Variants in TPST2 observed in about 807,000 individuals in gnomAD.
The protein encoded by TPST2 is protein-tyrosine sulfotransferase 2.
A neutral mutation model predicts 27.8 loss-of-function variants in TPST2; 16 were observed. The observed-to-expected ratio is 0.58, with a 90% confidence interval of 0.39 to 0.88. TPST2 has a LOEUF of 0.88. Among genes scored for constraint, TPST2 ranks in the 40% least tolerant of loss-of-function variants. The probability of loss-of-function intolerance (pLI) is 0.00; values close to 1 mark genes in which losing one functional copy is unlikely to be tolerated. For synonymous variants in TPST2, 229 were observed against 231.7 expected, an observed-to-expected ratio of 0.99 and a Z score of 0.10; for missense variants, 464 against 543.1, an observed-to-expected ratio of 0.85 and a Z score of 1.45.
At position 26,536,941 on chromosome 22, in the gene TPST2, G is replaced by A. The variant is rs117835604; in HGVS notation, c.843-455C>T. Among the ~76,000 whole-genome samples, 542 of 152,166 alleles carry A rather than the reference G, an allele frequency of 3.6e-3. 15 individuals are homozygous for A. In the East Asian group the frequency reaches 0.07, roughly 20 times the overall value. On this transcript the variant is annotated intron_variant, in intron 3 of 6. Coordinates refer to ENST00000338754, the MANE Select transcript of TPST2 (RefSeq NM_003595.5). The stretch of plus-strand genomic sequence containing the variant: ...AAGCGCCTGTAGTCCCAGCAGCTGC[G>A]CAGGAGGCTGAGATGGGAGAATTGC...
At chr22:26,528,841 G>T (rs891284432) in intron 5 of TPST2, among the ~76,000 whole-genome samples, 1 of 152,072 alleles carries the variant, frequency 6.6e-6, no homozygotes, top group Non-Finnish European at 1.5e-5. Flanking sequence ...AATTAGCCGG[G>T]TGTGGTGGCG....
At chr22:26,547,110 G>T (rs1926165029) in intron 1 of TPST2, among the ~76,000 whole-genome samples, 1 of 152,014 alleles carries the variant, frequency 6.6e-6, no homozygotes, top group Non-Finnish European at 1.5e-5. Flanking sequence ...TGTTGAGATG[G>T]GGTCTCACTC....
rs371142858 is a variant in TPST2, at chr22:26,539,142, T to C, written c.842+1647A>G. Among the ~76,000 whole-genome samples, 329 of 152,344 alleles carry C rather than the reference T, an allele frequency of 2.2e-3. 1 individual carries two copies. Among genetic ancestry groups the C allele is most frequent in the Non-Finnish European group, 2.3e-3 (158 of 68,026 alleles). On this transcript the variant is annotated intron_variant, in intron 3 of 6. Coordinates refer to ENST00000338754, the MANE Select transcript of TPST2 (RefSeq NM_003595.5). ...CACCAACTGGCTGGGGTACCCGGCA[T>C]GTAGGAACTTTGTTGCTAGCGGAGA...
chr22:26,526,593 C>T (rs1272899344), intron 6 of TPST2, among the ~76,000 whole-genome samples: 2 of 152,180 alleles, frequency 1.3e-5, no homozygotes, highest in South Asian at 2.1e-4. Flanking sequence ...CAACTCTGTA[C>T]CCAGGATTCA....
intron 1 of TPST2, among the ~76,000 whole-genome samples, chr22:26,584,556 T>C (rs530576890): frequency 6.6e-6 from 1 of 152,252 alleles, no homozygotes; most frequent in South Asian, 2.1e-4. Context: ...ACCCCAGCAC[T>C]TGAGAGGCCA....
At chr22:26,542,139 G>T (rs1260408444) in intron 2 of TPST2, among the ~76,000 whole-genome samples, 2 of 152,052 alleles carry the variant, frequency 1.3e-5, no homozygotes, top group African/African-American at 2.4e-5. Flanking sequence ...CTACTCGGGA[G>T]GCTGCGGCAG....
chr22:26,579,929 G>C (rs1928029086), intron 1 of TPST2, among the ~76,000 whole-genome samples: 1 of 152,028 alleles, frequency 6.6e-6, no homozygotes, highest in South Asian at 2.1e-4. Context: ...GGGAGGGAGA[G>C]AGAGGCAGGG....
At chr22:26,544,243 C>T (rs979563254) in intron 2 of TPST2, among the ~76,000 whole-genome samples, 4 of 152,178 alleles carry the variant, frequency 2.6e-5, no homozygotes, top group African/African-American at 7.2e-5. Context: ...AGAAAGCATA[C>T]CTAAAACACT....
chr22:26,577,702 A>C (rs1445711943), intron 1 of TPST2, among the ~76,000 whole-genome samples: 1 of 122,454 alleles, frequency 8.2e-6, no homozygotes, highest in Admixed American at 1.0e-4. Context: ...TCTGCCACCC[A>C]GGCTGGAATG....
chr22:26,587,150 T>C (rs1462981957), intron 1 of TPST2, among the ~76,000 whole-genome samples: 3 of 152,126 alleles, frequency 2.0e-5, no homozygotes, highest in African/African-American at 7.2e-5. Flanking sequence ...AGTCTTCCCC[T>C]TCAGTTATGG....
Position 26,523,397 on chromosome 22 carries a change from T to A in TPST2, c.*2878A>T, listed in dbSNP as rs926874278. On this transcript the variant is annotated 3_prime_UTR_variant, in exon 7 of 7. Transcript: ENST00000338754. The stretch of plus-strand genomic sequence containing the variant: ...GAAGTACAAATAGAGCCACTTGCCT[T>A]CTTACTATCAATTCTGATTGTCCCA... 6.6e-6 allele frequency: 1 copy of A among 152,162 alleles called. No homozygotes were observed. Among genetic ancestry groups the A allele is most frequent in the Non-Finnish European group, 1.5e-5 (1 of 68,036 alleles). The allele number at this position is 152,162 out of a possible 1,614,324, so 9.4% of individuals were successfully genotyped here.
intron 1 of TPST2, chr22:26,565,738 TTTTA>T (rs1450875535): frequency 3.3e-5 from 5 of 152,198 alleles, no homozygotes. Flanking sequence ...TTTAATAACA[TTTTA>T]TTTAACTCAA....
rs1490894104 is a variant in TPST2 at position 26,528,237 on chromosome 22, T to A, written c.1118A>T (p.His373Leu). ...ACCTGGAAATCACGAGCTTCCTAAG[T>A]GGGAGGAGGTGCTGTTCTGGTTCAC... ...FQVNQNSTSS[H>L]LGSS Residue 373 changes from histidine (H) to leucine (L), a missense_variant, in exon 6 of 7, where the codon CAC (histidine) becomes CTC (leucine). His to Leu is a moderately conservative substitution (Grantham distance 99, BLOSUM62 -3). Transcript: ENST00000338754. 6.4e-7 allele frequency: 1 copy of A among 1,564,144 alleles called. No individual in the cohort carries two copies. The highest frequency in any genetic ancestry group is 2.4e-5 in the East Asian group (1 of 42,502).
At position 26,556,130 on chromosome 22, in the gene TPST2, T is replaced by C. The variant is rs61108992; in HGVS notation, c.-160-11455A>G. Among the ~76,000 whole-genome samples, 520 of 152,308 alleles carry C rather than the reference T, an allele frequency of 3.4e-3. 16 individuals carry two copies. The East Asian group carries it at 0.066, about 19-fold the overall frequency. On this transcript the variant is annotated intron_variant, in intron 1 of 6. Transcript: ENST00000338754. ...TGTGATTACAAAAATTGCTGTGAAA[T>C]ATTATCTGTAACCTATCTGCTCCTT... is the stretch of plus-strand genomic sequence containing the variant.
chr22:26,535,689 T>C (rs1247821835), intron 4 of TPST2, among the ~76,000 whole-genome samples: 1 of 152,204 alleles, frequency 6.6e-6, no homozygotes, highest in Non-Finnish European at 1.5e-5. Context: ...GGTGAGAGGA[T>C]GGCTTAAGCC....
chr22:26,583,584 G>A (rs371957562), intron 1 of TPST2, among the ~76,000 whole-genome samples: 2 of 148,580 alleles, frequency 1.3e-5, no homozygotes, highest in Non-Finnish European at 3.0e-5. Flanking sequence ...TGCCATGCGC[G>A]ATGGCTCACA....
In TPST2 at chr22:26,536,283, C is replaced by T. The variant is rs751082075; in HGVS notation, c.1041+5G>A. On this transcript the variant is annotated splice_donor_5th_base_variant and intron_variant, in intron 4 of 6. Transcript: ENST00000338754. ...ACACTTCCACAAGTACAGGTGCACA[C>T]TCACCCGCTGTGTGTTGTTGATGAC... The T allele has an allele frequency of 6.2e-7, 1 of 1,614,038 alleles. No individual in the cohort carries two copies. Among genetic ancestry groups the T allele is most frequent in the African/African-American group, 1.3e-5 (1 of 74,924 alleles).
intron 1 of TPST2, among the ~76,000 whole-genome samples, chr22:26,559,586 C>T (rs976028299): frequency 6.6e-6 from 1 of 152,200 alleles, no homozygotes; most frequent in Admixed American, 6.5e-5. Flanking sequence ...GAGACCACTA[C>T]TCTACTTTCC....
intron 1 of TPST2, among the ~76,000 whole-genome samples, chr22:26,546,294 T>C (rs1181478834): frequency 6.6e-6 from 1 of 152,066 alleles, no homozygotes; most frequent in Non-Finnish European, 1.5e-5. Context: ...CCACAGCAAC[T>C]AGACCCCCCC....
Sources: allele counts gnomAD v4.1 joint callset (sites outside exome capture counted in the v4.1 genomes callset), GRCh38; gene constraint gnomAD v4.1.1; transcripts MANE v1.5; gene names NCBI Gene and HGNC (gene_info 2026-07-23, HGNC 2026-07-21).